GNG2: variants seen among roughly 807,000 people sequenced by gnomAD.
GNG2 encodes G protein subunit gamma 2, also known as guanine nucleotide-binding protein G(I)/G(S)/G(O) subunit gamma-2.
Under a neutral mutation model 5.5 loss-of-function variants are expected in GNG2, and 5 were observed. The ratio of observed to expected loss-of-function variants is 0.91; its 90% CI spans 0.48 to 1.92. The LOEUF is 1.92. GNG2 is among the 30% of genes most tolerant of loss of function. GNG2 has a pLI of 0.01. For missense variants in GNG2, 55 were observed against 88.4 expected, an observed-to-expected ratio of 0.62 and a Z score of 1.52; for synonymous variants, 28 against 32.0, an observed-to-expected ratio of 0.88 and a Z score of 0.42.
rs527338766 is a variant in GNG2 at position 51,862,593 on chromosome 14, A to G, written c.-71+1803A>G. On this transcript the variant is annotated intron_variant, in intron 1 of 3. Transcript: ENST00000556766. ...ATTCACTAGATAATGCCAACACCCT[A>G]CTTTGTTTGGGGAGGCACAGACAAT... Among the ~76,000 whole-genome samples the G allele has an allele frequency of 5.9e-5, 9 of 152,352 alleles. No homozygotes were observed. The South Asian group carries it at 1.2e-3, about 21-fold the overall frequency.
At chr14:51,845,778 C>T (rs779724225) in intron 2 of GNG2, among the ~76,000 whole-genome samples, 1 of 152,022 alleles carries the variant, frequency 6.6e-6, no homozygotes, top group Non-Finnish European at 1.5e-5. Context: ...CTCTGAATTC[C>T]CCATCTGCAC....
chr14:51,939,973 G>A (rs1888220802), intron 2 of GNG2: 1 of 152,180 alleles, frequency 6.6e-6, no homozygotes, highest in Non-Finnish European at 1.5e-5. Context: ...CTTCAACAAG[G>A]GATGCATCGC....
At chr14:51,832,346 A>ATG (rs1881221859) in intron 2 of GNG2, among the ~76,000 whole-genome samples, 1 of 149,764 alleles carries the variant, frequency 6.7e-6, no homozygotes, top group African/African-American at 2.4e-5. Flanking sequence ...AGAGAATTTA[A>ATG]TGTGTGTATA....
chr14:51,950,759 G>A lies in GNG2; in HGVS notation c.81G>A (p.Arg27=). 1 of 1,599,466 alleles carries A rather than the reference G, an allele frequency of 6.3e-7. No individual in the cohort carries two copies. Among genetic ancestry groups the A allele is most frequent in the Non-Finnish European group, 8.5e-7 (1 of 1,172,392 alleles). The stretch of plus-strand genomic sequence containing the variant: ...TTAAGATGGAAGCCAATATCGACAG[G>A]ATAAAGGTGAGGATGGTCTAACCCC... ...EQLKMEANID[R]IKVSKAAADL... The change falls in exon 3 of 4, where the codon AGG becomes AGA. Residue 27 remains arginine (R), a synonymous_variant. Coordinates refer to ENST00000556766, the MANE Select transcript of GNG2 (RefSeq NM_053064.5).
At chr14:51,880,319 G>A (rs1284850984) in intron 2 of GNG2, among the ~76,000 whole-genome samples, 1 of 152,160 alleles carries the variant, frequency 6.6e-6, no homozygotes, top group African/African-American at 2.4e-5. Context: ...GTTATTTTAT[G>A]TATTATTTAT....
At chr14:51,862,954 G>A (rs1594848437) in intron 1 of GNG2, among the ~76,000 whole-genome samples, 1 of 150,442 alleles carries the variant, frequency 6.6e-6, no homozygotes, top group Non-Finnish European at 1.5e-5. Context: ...GGCTTTTGAG[G>A]AGTAGACCAA....
chr14:51,929,580 A>G (rs964084261), intron 2 of GNG2, among the ~76,000 whole-genome samples: 2 of 152,218 alleles, frequency 1.3e-5, no homozygotes, highest in Non-Finnish European at 2.9e-5. Context: ...CCCAGAGCCA[A>G]AAGTGATTGG....
At chr14:51,942,717 C>A (rs542370505) in intron 2 of GNG2, among the ~76,000 whole-genome samples, 1 of 151,084 alleles carries the variant, frequency 6.6e-6, no homozygotes, top group South Asian at 2.1e-4. Context: ...TGCCACCAGA[C>A]CCGGTTAGAT....
intron 2 of GNG2, among the ~76,000 whole-genome samples, chr14:51,902,203 A>G (rs1238143823): frequency 6.6e-6 from 1 of 152,290 alleles, no homozygotes; most frequent in Middle Eastern, 3.4e-3. Flanking sequence ...CTGGCTATAT[A>G]AAAATTATAG....
In GNG2 at chr14:51,915,266, T is replaced by A. The variant is rs139584570; in HGVS notation, c.-29-35384T>A. Among the ~76,000 whole-genome samples, 220 of 152,322 alleles carry A rather than the reference T, an allele frequency of 1.4e-3. 2 individuals carry two copies. Among genetic ancestry groups the A allele is most frequent in the African/African-American group, 5.0e-3 (209 of 41,564 alleles). On this transcript the variant is annotated intron_variant, in intron 2 of 3. Transcript: ENST00000556766. ...GAAGGGCAGTTTACTGGTTCATAGA[T>A]AAGGATGGCAGCTTTGGATTGAGAA...
intron 2 of GNG2, among the ~76,000 whole-genome samples, chr14:51,943,769 A>T (rs1334803304): frequency 6.6e-6 from 1 of 151,168 alleles, no homozygotes; most frequent in Non-Finnish European, 1.5e-5. Flanking sequence ...TTCAACAAAA[A>T]TTTTTAAAAA....
intron 2 of GNG2, among the ~76,000 whole-genome samples, chr14:51,906,678 C>T (rs1373186254): frequency 1.3e-5 from 2 of 151,850 alleles, no homozygotes; most frequent in African/African-American, 4.8e-5. Flanking sequence ...TGATCTGTCA[C>T]ACTGGCATCT....
At chr14:51,858,901 G>C (rs1006778489), upstream of GNG2, among the ~76,000 whole-genome samples, 2 of 152,088 alleles carry the variant, frequency 1.3e-5, no homozygotes, top group African/African-American at 4.8e-5. Flanking sequence ...GGTCCTTTTT[G>C]ATGAAAGATT....
chr14:51,957,448 A>G (rs1475547470), intron 3 of GNG2, among the ~76,000 whole-genome samples: 1 of 152,190 alleles, frequency 6.6e-6, no homozygotes, highest in African/African-American at 2.4e-5. Flanking sequence ...TTATTCTGGA[A>G]ATAATCTCAA....
Position 51,923,000 on chromosome 14 carries a change from T to C in GNG2, c.-29-27650T>C, listed in dbSNP as rs373479485. Among the ~76,000 whole-genome samples, 3 of 152,226 alleles carry C rather than the reference T, an allele frequency of 2.0e-5. No individual in the cohort carries two copies. The East Asian group carries it at 5.8e-4, about 29-fold the overall frequency. On this transcript the variant is annotated intron_variant, in intron 2 of 3. Coordinates refer to ENST00000556766, the MANE Select transcript of GNG2 (RefSeq NM_053064.5). Reference sequence around the variant, plus strand: ...TCTTTAAACGTGCCAACATACGTTTTGTTAGCAAGGCAGTTCTTTCTAGCA... The same window carrying C: ...TCTTTAAACGTGCCAACATACGTTTCGTTAGCAAGGCAGTTCTTTCTAGCA...
intron 2 of GNG2, among the ~76,000 whole-genome samples, chr14:51,891,341 T>C (rs746392248): frequency 2.0e-5 from 3 of 152,264 alleles, no homozygotes; most frequent in Non-Finnish European, 4.4e-5. Context: ...CGTAGCTTCA[T>C]AGGCATAAAG....
At chr14:51,868,693 G>A (rs1883096898) in intron 1 of GNG2, among the ~76,000 whole-genome samples, 1 of 152,210 alleles carries the variant, frequency 6.6e-6, no homozygotes, top group African/African-American at 2.4e-5. Flanking sequence ...GATTTCAGAG[G>A]AAATGTGTCC....
At chr14:51,920,395 G>A (rs1566687361) in intron 2 of GNG2, among the ~76,000 whole-genome samples, 1 of 150,762 alleles carries the variant, frequency 6.6e-6, no homozygotes. Flanking sequence ...TACAATATAA[G>A]TAAATAGTTA....
intron 2 of GNG2, among the ~76,000 whole-genome samples, chr14:51,883,029 A>T: frequency 6.6e-6 from 1 of 151,632 alleles, no homozygotes; most frequent in East Asian, 2.0e-4. Flanking sequence ...AAAAGAAAAA[A>T]AAAAAGAAAA....
Sources: allele counts gnomAD v4.1 joint callset (sites outside exome capture counted in the v4.1 genomes callset), GRCh38; gene constraint gnomAD v4.1.1; transcripts MANE v1.5; gene names NCBI Gene and HGNC (gene_info 2026-07-23, HGNC 2026-07-21).